The following NTM variants were observed in gnomAD, a reference collection of about 807,000 sequenced individuals.
NTM encodes the protein IgLON family member 2.
In NTM, 13 loss-of-function variants were observed where a neutral mutation model predicts 42.1. The observed-to-expected ratio is 0.31, with a 90% CI of 0.20 to 0.49. The LOEUF (loss-of-function observed/expected upper bound fraction) is 0.49, where lower values mean the gene tolerates loss of function less well. NTM is among the 20% of genes least tolerant of loss of function. The probability of loss-of-function intolerance (pLI) is 0.99; values close to 1 mark genes in which losing one functional copy is unlikely to be tolerated. For missense variants in NTM, 373 were observed against 452.8 expected (o/e 0.82, Z 1.60); for synonymous variants, 187 against 179.2 (o/e 1.04, Z -0.35).
rs558996256 is a variant in NTM, at chr11:132,169,116, G to C, written c.400+22602G>C. 1.5e-3 allele frequency among the ~76,000 whole-genome samples: 228 copies of C among 151,942 alleles called. 1 individual carries two copies. Among genetic ancestry groups the C allele is most frequent in the Non-Finnish European group, 2.6e-3 (177 of 67,940 alleles). On this transcript the variant is annotated intron_variant, in intron 3 of 8. Coordinates refer to ENST00000683400, the MANE Select transcript of NTM (RefSeq NM_001352005.2). ...AAAGGTTATAATCACACAGGCATTT[G>C]GATTTCCACTCACTTTGGGCCTCTG...
At chr11:131,600,217 A>G (rs935181207) in intron 1 of NTM, among the ~76,000 whole-genome samples, 1 of 152,188 alleles carries the variant, frequency 6.6e-6, no homozygotes, top group African/African-American at 2.4e-5. Context: ...TTTAATAAAT[A>G]ATAGAAGAGA....
intron 1 of NTM, chr11:131,535,167 C>T (rs749251063): frequency 6.6e-6 from 1 of 152,094 alleles, no homozygotes; most frequent in Non-Finnish European, 1.5e-5. Flanking sequence ...GGACGATGGG[C>T]CCTCAGCAGA....
chr11:131,839,554 A>G (rs2136656024), intron 1 of NTM, among the ~76,000 whole-genome samples: 1 of 152,210 alleles, frequency 6.6e-6, no homozygotes, highest in Non-Finnish European at 1.5e-5. Context: ...GAGTCAGGGG[A>G]GATTAGTGGG....
intron 1 of NTM, among the ~76,000 whole-genome samples, chr11:131,749,030 C>G (rs1417028850): frequency 1.3e-5 from 2 of 152,342 alleles, no homozygotes; most frequent in Non-Finnish European, 1.5e-5. Context: ...GCACTTAGAT[C>G]ATGACCATTG....
chr11:132,142,873 T>C (rs1312497553), intron 2 of NTM, among the ~76,000 whole-genome samples: 3 of 152,196 alleles, frequency 2.0e-5, no homozygotes, highest in Non-Finnish European at 4.4e-5. Flanking sequence ...GGCTTCCGTT[T>C]CTGTCAATTT....
At chr11:131,427,563 T>G (rs938426504) in intron 1 of NTM, among the ~76,000 whole-genome samples, 11 of 152,356 alleles carry the variant, frequency 7.2e-5, no homozygotes, top group African/African-American at 2.6e-4. Context: ...TTGCAGTAAA[T>G]GTGACTGGGC....
At chr11:131,458,666 G>A (rs12221808) in intron 1 of NTM, among the ~76,000 whole-genome samples, 9,350 of 152,222 alleles carry the variant, frequency 0.061, 666 homozygotes, top group East Asian at 0.21. Context: ...CAAGGCCTTC[G>A]GCAGAATAAA....
At chr11:132,108,092 A>G (rs1385246888) in intron 2 of NTM, among the ~76,000 whole-genome samples, 2 of 152,178 alleles carry the variant, frequency 1.3e-5, no homozygotes. Context: ...CTCACACCAA[A>G]ATGCCGCATA....
chr11:131,462,047 TA>T (rs11303325), intron 1 of NTM, among the ~76,000 whole-genome samples: 10,551 of 151,482 alleles, frequency 0.07, 862 homozygotes, highest in East Asian at 0.22. Flanking sequence ...AGTGAGTGGG[TA>T]AAAAAAAACT....
At chr11:131,409,421 G>A (rs1358230535) in intron 1 of NTM, among the ~76,000 whole-genome samples, 9 of 152,210 alleles carry the variant, frequency 5.9e-5, no homozygotes, top group Non-Finnish European at 1.3e-4. Context: ...ACAGAGAGGT[G>A]CAGGAGTCCC....
chr11:131,766,374 A>G (rs2135863057), intron 1 of NTM, among the ~76,000 whole-genome samples: 1 of 152,278 alleles, frequency 6.6e-6, no homozygotes, highest in East Asian at 1.9e-4. Context: ...GTGCAGCAGG[A>G]CTAGGCTGTA....
chr11:131,986,786 C>A (rs1414629282), intron 2 of NTM, among the ~76,000 whole-genome samples: 1 of 152,090 alleles, frequency 6.6e-6, no homozygotes, highest in Non-Finnish European at 1.5e-5. Flanking sequence ...TAGAAGAGTG[C>A]CTGACTATAA....
intron 2 of NTM, among the ~76,000 whole-genome samples, chr11:132,065,989 A>G (rs532922350): frequency 6.6e-6 from 1 of 152,234 alleles, no homozygotes; most frequent in East Asian, 1.9e-4. Flanking sequence ...TCCAATGTAA[A>G]TTGGGGTTGT....
chr11:132,105,309 GGGTGTGGAACACT>G (rs2062215418), intron 2 of NTM, among the ~76,000 whole-genome samples: 1 of 151,976 alleles, frequency 6.6e-6, no homozygotes. Context: ...AAATTCCCAA[GGGTGTGGAACACT>G]GGTAGGTTCA....
chr11:131,536,512 A>T (rs2052254769), intron 1 of NTM: 1 of 152,206 alleles, frequency 6.6e-6, no homozygotes. Flanking sequence ...TTTATATGAA[A>T]GTTATCAAAC....
chr11:132,125,755 T>TGTGA (rs2065687698), intron 2 of NTM, among the ~76,000 whole-genome samples: 1 of 736 alleles, frequency 1.4e-3, no homozygotes, highest in Non-Finnish European at 3.9e-3. Context: ...TGCGTGTATT[T>TGTGA]TGTGTGTTGT....
intron 2 of NTM, among the ~76,000 whole-genome samples, chr11:131,942,968 A>C (rs1020482015): frequency 1.3e-5 from 2 of 149,248 alleles, no homozygotes; most frequent in Non-Finnish European, 3.0e-5. Context: ...AAATGCGTAG[A>C]GTTTAGCCAT....
chr11:132,220,460 A>C (rs572415829), intron 4 of NTM, among the ~76,000 whole-genome samples: 1 of 152,326 alleles, frequency 6.6e-6, no homozygotes, highest in Non-Finnish European at 1.5e-5. Flanking sequence ...TTAAAGCATT[A>C]TTATAGCTGT....
intron 4 of NTM, among the ~76,000 whole-genome samples, chr11:132,289,371 C>A (rs2094373529): frequency 6.6e-6 from 1 of 152,170 alleles, no homozygotes; most frequent in Admixed American, 6.5e-5. Flanking sequence ...GTTCTCAAAG[C>A]CTTTGGTGTA....
Sources: allele counts gnomAD v4.1 joint callset (sites outside exome capture counted in the v4.1 genomes callset), GRCh38; gene constraint gnomAD v4.1.1; transcripts MANE v1.5; gene names NCBI Gene and HGNC (gene_info 2026-07-23, HGNC 2026-07-21).